The following PLCB1 variants were observed in gnomAD, a reference collection of about 807,000 sequenced individuals.
PLCB1 encodes the protein 1-phosphatidylinositol 4,5-bisphosphate phosphodiesterase beta-1.
In PLCB1, 46 loss-of-function variants were observed where a neutral mutation model predicts 161.8. That is an observed-to-expected ratio of 0.28 (90% CI 0.22 to 0.36). The LOEUF (loss-of-function observed/expected upper bound fraction) is 0.36, where lower values mean the gene tolerates loss of function less well. Ranked by LOEUF, PLCB1 falls within the 10% of genes least tolerant of loss-of-function variation. The probability of loss-of-function intolerance (pLI) is 1.00; values close to 1 mark genes in which losing one functional copy is unlikely to be tolerated. For missense variants in PLCB1, 1,016 were observed against 1,472.5 expected, an observed-to-expected ratio of 0.69 and a Z score of 5.07; for synonymous variants, 517 against 503.7, an observed-to-expected ratio of 1.03 and a Z score of -0.35.
rs372274984 is a variant in PLCB1, at chr20:8,625,433, A to G, written c.247-2861A>G. The G allele has an allele frequency of 2.6e-5, 4 of 152,346 alleles. No individual in the cohort carries two copies. The East Asian group carries it at 7.7e-4, about 29-fold the overall frequency. 9.4% of individuals were successfully genotyped at this position (152,346 alleles called of 1,614,324 possible). A position where few individuals can be genotyped will look rare whatever the true frequency, so the allele number is the denominator to read the frequency against. On this transcript the variant is annotated intron_variant, in intron 3 of 31. Coordinates refer to ENST00000338037, the MANE Select transcript of PLCB1 (RefSeq NM_015192.4). ...AAAGAGTGAACTTGTTTCTTAAAGG[A>G]GAATTCTAACATAATCAAGGTTAGT...
At chr20:8,367,176 T>C (rs977197786) in intron 2 of PLCB1, among the ~76,000 whole-genome samples, 12 of 152,180 alleles carry the variant, frequency 7.9e-5, no homozygotes, top group Admixed American at 5.2e-4. Context: ...AATATTTTTA[T>C]TTGAAAGTTC....
intron 2 of PLCB1, among the ~76,000 whole-genome samples, chr20:8,175,165 C>A (rs1008685765): frequency 6.6e-6 from 1 of 151,708 alleles, no homozygotes; most frequent in Admixed American, 6.6e-5. Flanking sequence ...ATAAAGAAAT[C>A]AAGATAAAAT....
intron 2 of PLCB1, among the ~76,000 whole-genome samples, chr20:8,183,934 T>C (rs7267305): frequency 0.17 from 26,622 of 152,160 alleles, 2,467 homozygotes; most frequent in African/African-American, 0.23. Context: ...AAAATAGTTA[T>C]CTTGGTTTGA....
chr20:8,632,035 C>CTTTTTTTTTTTGTTTTTTTT (rs1568537430), intron 4 of PLCB1, among the ~76,000 whole-genome samples: 1 of 45,984 alleles, frequency 2.2e-5, no homozygotes. Context: ...GTTTTTTTTG[C>CTTTTTTTTTTTGTTTTTTTT]TTTTTTTTTT....
intron 3 of PLCB1, among the ~76,000 whole-genome samples, chr20:8,405,245 ATCTGGC>A (rs1454574552): frequency 6.6e-6 from 1 of 152,120 alleles, no homozygotes; most frequent in African/African-American, 2.4e-5. Flanking sequence ...TTTCGAGGTC[ATCTGGC>A]TCTAGACTAG....
chr20:8,244,239 G>T (rs1158146980), intron 2 of PLCB1, among the ~76,000 whole-genome samples: 1 of 151,836 alleles, frequency 6.6e-6, no homozygotes, highest in Non-Finnish European at 1.5e-5. Flanking sequence ...TACTGTATCA[G>T]TCTAAGATAA....
Position 8,881,841 on chromosome 20 carries a change from C to G in PLCB1, c.3643C>G (p.Pro1215Ala). ...GDIPGKEFDT[P>A]L ...CATCCCAGGAAAAGAATTTGATACT[C>G]CTCTGTGAATGCTCCTGCCAGGCCT... Residue 1215 changes from proline (P) to alanine (A), a missense_variant, in exon 32 of 32, where the codon CCT becomes GCT. Pro to Ala is a conservative substitution (Grantham distance 27). Coordinates refer to ENST00000338037, the MANE Select transcript of PLCB1 (RefSeq NM_015192.4). 6.2e-7 allele frequency: 1 copy of G among 1,608,298 alleles called. No individual in the cohort carries two copies.
intron 24 of PLCB1, among the ~76,000 whole-genome samples, chr20:8,758,895 G>A (rs773983137): frequency 3.9e-5 from 6 of 152,208 alleles, no homozygotes; most frequent in South Asian, 2.1e-4. Context: ...AACATCTCAC[G>A]GGATCATGGG....
chr20:8,421,064 T>C (rs747988049), intron 3 of PLCB1, among the ~76,000 whole-genome samples: 24 of 152,160 alleles, frequency 1.6e-4, no homozygotes, highest in Non-Finnish European at 3.2e-4. Context: ...AAATAAGACA[T>C]AGGCCTCAGA....
intron 26 of PLCB1, among the ~76,000 whole-genome samples, chr20:8,767,318 A>G (rs750895289): frequency 1.3e-5 from 2 of 152,078 alleles, no homozygotes; most frequent in Non-Finnish European, 2.9e-5. Context: ...CAGACTTTCC[A>G]CTGATGGGCC....
chr20:8,332,139 A>G (rs1985388471), intron 2 of PLCB1, among the ~76,000 whole-genome samples: 1 of 152,180 alleles, frequency 6.6e-6, no homozygotes, highest in Non-Finnish European at 1.5e-5. Flanking sequence ...CATCTTTCAT[A>G]ATGCCTTGTG....
intron 3 of PLCB1, among the ~76,000 whole-genome samples, chr20:8,556,732 A>C (rs1449058105): frequency 6.6e-6 from 1 of 151,056 alleles, no homozygotes; most frequent in Non-Finnish European, 1.5e-5. Context: ...AAATCTGCCA[A>C]ACCACTAGCT....
At chr20:8,290,549 C>G (rs1342983763) in intron 2 of PLCB1, among the ~76,000 whole-genome samples, 1 of 152,166 alleles carries the variant, frequency 6.6e-6, no homozygotes, top group Non-Finnish European at 1.5e-5. Flanking sequence ...GCATTCTGGA[C>G]ATAGGCCTGG....
intron 2 of PLCB1, among the ~76,000 whole-genome samples, chr20:8,349,164 A>T (rs1181281289): frequency 1.3e-5 from 2 of 152,182 alleles, no homozygotes; most frequent in Admixed American, 6.5e-5. Flanking sequence ...AGACAATAAA[A>T]TCCTTGGGAA....
At chr20:8,662,791 C>T (rs190159251) in intron 9 of PLCB1, among the ~76,000 whole-genome samples, 20 of 151,648 alleles carry the variant, frequency 1.3e-4, no homozygotes, top group Admixed American at 4.6e-4. Context: ...AAAGAGAAGG[C>T]GCATTAAGCA....
At chr20:8,235,809 G>A (rs1351165769) in intron 2 of PLCB1, among the ~76,000 whole-genome samples, 1 of 151,980 alleles carries the variant, frequency 6.6e-6, no homozygotes, top group Non-Finnish European at 1.5e-5. Context: ...AGTTTTTTAT[G>A]TCCAGTAATC....
intron 2 of PLCB1, among the ~76,000 whole-genome samples, chr20:8,334,113 G>C (rs1290762920): frequency 6.6e-6 from 1 of 152,122 alleles, no homozygotes; most frequent in African/African-American, 2.4e-5. Flanking sequence ...GGAGGCTGAG[G>C]CAGGAGAATT....
intron 2 of PLCB1, among the ~76,000 whole-genome samples, chr20:8,231,544 T>G (rs1250080113): frequency 6.6e-6 from 1 of 152,188 alleles, no homozygotes. Flanking sequence ...TGGCACTATG[T>G]TGGTATACAT....
intron 27 of PLCB1, among the ~76,000 whole-genome samples, chr20:8,781,754 C>T (rs1180438338): frequency 1.3e-5 from 2 of 152,148 alleles, no homozygotes; most frequent in Non-Finnish European, 2.9e-5. Context: ...GAGCAAGTCA[C>T]GTCTGACGTG....
Sources: allele counts gnomAD v4.1 joint callset (sites outside exome capture counted in the v4.1 genomes callset), GRCh38; gene constraint gnomAD v4.1.1; transcripts MANE v1.5; gene names NCBI Gene and HGNC (gene_info 2026-07-23, HGNC 2026-07-21).